ASIP: variants seen among roughly 807,000 people sequenced by gnomAD.
ASIP encodes agouti signaling protein.
ASIP carries 11 observed loss-of-function variants against 10.3 expected under a neutral mutation model. The ratio of observed to expected loss-of-function variants is 1.07; its 90% CI spans 0.68 to 1.78. The LOEUF is 1.78. Ranked by LOEUF, ASIP falls within the 40% of genes most tolerant of loss-of-function variation. The probability of loss-of-function intolerance (pLI) is 0.00; values close to 1 mark genes in which losing one functional copy is unlikely to be tolerated. For missense variants in ASIP, 180 were observed against 169.2 expected (o/e 1.06, Z -0.35); for synonymous variants, 70 against 70.8 (o/e 0.99, Z 0.06).
At chr20:34,253,027 T>G (rs1182469484) in intron 1 of ASIP, among the ~76,000 whole-genome samples, 1 of 152,240 alleles carries the variant, frequency 6.6e-6, no homozygotes, top group Admixed American at 6.5e-5. Flanking sequence ...AGAAACAATT[T>G]TTCTTAGTAC....
intron 1 of ASIP, chr20:34,213,826 T>C (rs1341469687): frequency 6.6e-7 from 1 of 1,524,568 alleles, no homozygotes; most frequent in Admixed American, 1.7e-5. Context: ...ACAGTCCAGA[T>C]AAACTTCGGA....
intron 1 of ASIP, among the ~76,000 whole-genome samples, chr20:34,209,521 C>T (rs2034959237): frequency 6.6e-6 from 1 of 152,244 alleles, no homozygotes; most frequent in Admixed American, 6.5e-5. Flanking sequence ...GAAGACCCCC[C>T]TGTACCCCCA....
chr20:34,194,043 C>T (rs537912056), upstream of ASIP, among the ~76,000 whole-genome samples: 1 of 152,290 alleles, frequency 6.6e-6, no homozygotes, highest in Non-Finnish European at 1.5e-5. Flanking sequence ...GCTGCAGCCA[C>T]ATTTAATGTC....
intron 1 of ASIP, among the ~76,000 whole-genome samples, chr20:34,244,054 G>C (rs1019096975): frequency 6.6e-6 from 1 of 152,150 alleles, no homozygotes; most frequent in Non-Finnish European, 1.5e-5. Flanking sequence ...GACAGAGTGA[G>C]ACTCCATCTC....
rs1289230040 is a variant in ASIP at position 34,269,033 on chromosome 20, CT to C, written c.266del (p.Leu89HisfsTer69). ...GAAAGTGGTGCGGCCCCGGACCCCC[CT>C]ATCTGCGCCCTGCGTGGCCACCCGC... Reference protein sequence around the residue: ...MKKVVRPRTPLSAPCVATRNS... With the variant: ...MKKVVRPRTPXSAPCVATRNS... On this transcript the variant is annotated frameshift_variant, in exon 4 of 4. Transcript: ENST00000374954. LOFTEE classifies it high-confidence loss of function. The C allele has an allele frequency of 1.9e-6, 3 of 1,607,478 alleles. No homozygotes were observed. Among genetic ancestry groups the C allele is most frequent in the Non-Finnish European group, 2.5e-6 (3 of 1,177,742 alleles).
chr20:34,196,873 TAG>T (rs1401152302), intron 1 of ASIP, among the ~76,000 whole-genome samples: 1 of 152,214 alleles, frequency 6.6e-6, no homozygotes, highest in African/African-American at 2.4e-5. Context: ...AATTGCCTGC[TAG>T]AGAGTCACCA....
At chr20:34,263,083 C>T (rs1480654523) in intron 3 of ASIP, among the ~76,000 whole-genome samples, 190 bp downstream of exon 3, 3 of 152,190 alleles carry the variant, frequency 2.0e-5, no homozygotes, top group African/African-American at 7.2e-5. Context: ...GCCCAGGGAG[C>T]TGAAGTCCAC....
intron 1 of ASIP, among the ~76,000 whole-genome samples, chr20:34,234,077 A>G (rs975245199): frequency 6.6e-6 from 1 of 152,338 alleles, no homozygotes; most frequent in South Asian, 2.1e-4. Context: ...TGGTGTCACC[A>G]TGTCCAATGT....
At chr20:34,247,099 C>T (rs2035389466) in intron 1 of ASIP, among the ~76,000 whole-genome samples, 1 of 151,604 alleles carries the variant, frequency 6.6e-6, no homozygotes, top group Non-Finnish European at 1.5e-5. Context: ...CTTAGGTGAT[C>T]CACCTGCCTC....
rs540692369 is a variant in ASIP, at chr20:34,246,006, A to AT, written c.-11+4522dup. ...ATGCTGTCATCATCTACTTCTGGCC[A>AT]TTTTTCTGAATGACATGAATTATGT... On this transcript the variant is annotated intron_variant, in intron 1 of 3. Transcript: ENST00000374954. 66 of 1,095,056 alleles carry AT rather than the reference A, an allele frequency of 6.0e-5. 1 individual carries two copies. The highest frequency in any genetic ancestry group is 5.5e-4 in the East Asian group (23 of 41,886). The allele number at this position is 1,095,056 out of a possible 1,614,324, so 67.8% of individuals were successfully genotyped here.
chr20:34,195,054 G>GT (rs1246386813), intron 1 of ASIP, among the ~76,000 whole-genome samples: 1 of 151,414 alleles, frequency 6.6e-6, no homozygotes, highest in Non-Finnish European at 1.5e-5. Context: ...TTTCAAAAGT[G>GT]TTTAAGTGCC....
intron 1 of ASIP, chr20:34,214,485 T>A (rs1331272507): frequency 6.0e-5 from 91 of 1,510,196 alleles, no homozygotes; most frequent in Non-Finnish European, 1.4e-5. Flanking sequence ...AGATAGATAC[T>A]GGAAGAGCTT....
intron 1 of ASIP, among the ~76,000 whole-genome samples, chr20:34,202,970 G>A (rs529452481): frequency 8.6e-5 from 13 of 151,754 alleles, no homozygotes; most frequent in African/African-American, 1.2e-4. Context: ...CACTACGCCC[G>A]GCTAATTTTT....
upstream of ASIP, among the ~76,000 whole-genome samples, chr20:34,237,378 C>A (rs1243781571): frequency 6.6e-6 from 1 of 152,162 alleles, no homozygotes; most frequent in East Asian, 1.9e-4. Flanking sequence ...TTGTACACAT[C>A]TTTCACCCCC....
intron 1 of ASIP, among the ~76,000 whole-genome samples, chr20:34,201,631 C>G (rs1316386513): frequency 6.6e-6 from 1 of 152,096 alleles, no homozygotes; most frequent in African/African-American, 2.4e-5. Context: ...GATTCGGGTG[C>G]GAGTGGAGCC....
chr20:34,189,671 G>C (rs2034813701), upstream of ASIP, among the ~76,000 whole-genome samples: 1 of 152,206 alleles, frequency 6.6e-6, no homozygotes. Context: ...AATACTATGG[G>C]AGGAAGTACG....
chr20:34,235,859 A>AGCG (rs2035185733), intron 1 of ASIP, among the ~76,000 whole-genome samples: 1 of 37,448 alleles, frequency 2.7e-5, no homozygotes, highest in Non-Finnish European at 4.2e-5. Context: ...GAAGGAAGGA[A>AGCG]GGAAGGAAAG....
At chr20:34,237,088 A>G (rs994505840), upstream of ASIP, among the ~76,000 whole-genome samples, 1 of 152,028 alleles carries the variant, frequency 6.6e-6, no homozygotes, top group East Asian at 1.9e-4. Context: ...CCATTTTTCT[A>G]CACATTTGTC....
At chr20:34,213,843 A>G in intron 1 of ASIP, 1 of 1,536,854 alleles carries the variant, frequency 6.5e-7, no homozygotes. Flanking sequence ...CGGAACAGCC[A>G]CACTGTTTCA....
Sources: allele counts gnomAD v4.1 joint callset (sites outside exome capture counted in the v4.1 genomes callset), GRCh38; gene constraint gnomAD v4.1.1; transcripts MANE v1.5; gene names NCBI Gene and HGNC (gene_info 2026-07-23, HGNC 2026-07-21).